TRIM33: variants seen among roughly 807,000 people sequenced by gnomAD.
TRIM33 encodes the protein E3 ubiquitin-protein ligase TRIM33.
In TRIM33, 20 loss-of-function variants were observed where a neutral mutation model predicts 125.4. The ratio of observed to expected loss-of-function variants is 0.16; its 90% confidence interval spans 0.11 to 0.23. The LOEUF is 0.23. Among genes scored for constraint, TRIM33 ranks in the 10% least tolerant of loss-of-function variants. TRIM33 has a pLI of 1.00. For synonymous variants in TRIM33, 564 were observed against 513.9 expected, an observed-to-expected ratio of 1.10 and a Z score of -1.32; for missense variants, 920 against 1,411.4, an observed-to-expected ratio of 0.65 and a Z score of 5.58.
chr1:114,491,306 T>C (rs978363755), intron 1 of TRIM33, among the ~76,000 whole-genome samples: 3 of 152,218 alleles, frequency 2.0e-5, no homozygotes, highest in African/African-American at 4.8e-5. Context: ...TTTATTTGCA[T>C]TGACCTAGGG....
chr1:114,397,587 G>GTTTTTTTTTTTTTTTTTT lies in TRIM33; in HGVS notation c.*60_*61insAAAAAAAAAAAAAAAAAA. The GTTTTTTTTTTTTTTTTTT allele has an allele frequency of 2.1e-6, 2 of 951,936 alleles. No homozygotes were observed. Among genetic ancestry groups the GTTTTTTTTTTTTTTTTTT allele is most frequent in the South Asian group, 1.9e-5 (1 of 51,734 alleles). 59.0% of individuals were successfully genotyped at this position (951,936 alleles called of 1,614,324 possible). A position where few individuals can be genotyped will look rare whatever the true frequency, so the allele number is the denominator to read the frequency against. On this transcript the variant is annotated 3_prime_UTR_variant, in exon 20 of 20. Transcript: ENST00000358465. Reference sequence around the variant, plus strand: ...CACTTAAAAGTTTTCTGGGTTTTTTGTGTTTTTTTTTTTTTTTTCGTTTTT... The same window carrying GTTTTTTTTTTTTTTTTTT: ...CACTTAAAAGTTTTCTGGGTTTTTTGTTTTTTTTTTTTTTTTTTTGTTTTTTTTTTTTTTTTCGTTTTT...
chr1:114,502,216 T>C (rs1652760706), intron 1 of TRIM33, among the ~76,000 whole-genome samples: 2 of 152,228 alleles, frequency 1.3e-5, no homozygotes, highest in Admixed American at 6.5e-5. Context: ...ACTATAAATG[T>C]ATAAATCTGC....
chr1:114,471,072 T>C (rs12741779), intron 1 of TRIM33, among the ~76,000 whole-genome samples: 1 of 152,216 alleles, frequency 6.6e-6, no homozygotes, highest in Admixed American at 6.5e-5. Context: ...GTGTTGGGAC[T>C]ACAGACATGA....
chr1:114,404,098 C>T (rs1393969397), intron 15 of TRIM33, among the ~76,000 whole-genome samples: 1 of 152,168 alleles, frequency 6.6e-6, no homozygotes, highest in Non-Finnish European at 1.5e-5. Flanking sequence ...GAGATATATA[C>T]ATAGATCCTA....
Position 114,398,915 on chromosome 1 carries a change from AC to A in TRIM33, c.3120+541del, listed in dbSNP as rs143931279. ...CTTACCCTCAAAAAAAAAAAAAAAA[AC>A]AAAACAAAACAAAACAAAAAACAAA... On this transcript the variant is annotated intron_variant, in intron 18 of 19. Coordinates refer to ENST00000358465, the MANE Select transcript of TRIM33 (RefSeq NM_015906.4). 6.5e-3 allele frequency among the ~76,000 whole-genome samples: 896 copies of A among 138,684 alleles called. 6 individuals are homozygous for A. Among genetic ancestry groups the A allele is most frequent in the African/African-American group, 0.023 (822 of 35,976 alleles). 91.0% of individuals were successfully genotyped at this position (138,684 alleles called of 152,430 possible).
At chr1:114,510,409 C>T in intron 1 of TRIM33, 142 bp downstream of exon 1, 1 of 716,316 alleles carries the variant, frequency 1.4e-6, no homozygotes, top group Non-Finnish European at 2.1e-6. Flanking sequence ...GAAAGTGTCC[C>T]AGGGGCGAGT....
At chr1:114,490,663 A>C (rs1652007084) in intron 1 of TRIM33, 1 of 152,204 alleles carries the variant, frequency 6.6e-6, no homozygotes, top group Non-Finnish European at 1.5e-5. Flanking sequence ...TGAATGGTTA[A>C]ACAAAATGTG....
At chr1:114,447,146 C>T (rs1392620492) in intron 4 of TRIM33, among the ~76,000 whole-genome samples, 1 of 152,134 alleles carries the variant, frequency 6.6e-6, no homozygotes, top group Admixed American at 6.5e-5. Context: ...ACTTAGGATT[C>T]ACTCTAGCAG....
rs557544405 is a variant in TRIM33 at position 114,445,449 on chromosome 1, C to T, written c.924-11716G>A. On this transcript the variant is annotated intron_variant, in intron 4 of 19. Coordinates refer to ENST00000358465, the MANE Select transcript of TRIM33 (RefSeq NM_015906.4). The stretch of plus-strand genomic sequence containing the variant: ...AGAGATGGGGTCTTACTATGTTGCC[C>T]AGGCTGGTCTTGAACCCCTGGGGTA... Among the ~76,000 whole-genome samples the T allele has an allele frequency of 5.2e-4, 79 of 152,208 alleles. 1 individual carries two copies. Among genetic ancestry groups the T allele is most frequent in the African/African-American group, 1.8e-3 (76 of 41,538 alleles).
At chr1:114,413,984 C>A (rs1324063331) in intron 11 of TRIM33, among the ~76,000 whole-genome samples, 1 of 151,278 alleles carries the variant, frequency 6.6e-6, no homozygotes, top group East Asian at 1.9e-4. Flanking sequence ...AAGAGTGAGA[C>A]CCTGTCTCAA....
intron 1 of TRIM33, among the ~76,000 whole-genome samples, chr1:114,489,450 AAAAACTTT>A (rs778700837): frequency 1.9e-4 from 29 of 152,376 alleles, no homozygotes; most frequent in Non-Finnish European, 3.2e-4. Flanking sequence ...CATCAAACTT[AAAAACTTT>A]TGTGGCCAAG....
intron 11 of TRIM33, among the ~76,000 whole-genome samples, chr1:114,417,372 T>C (rs1405192200): frequency 2.0e-5 from 3 of 152,216 alleles, no homozygotes; most frequent in African/African-American, 4.8e-5. Flanking sequence ...AAAAAGTAGA[T>C]GATACTTGCC....
rs774025814 is a variant in TRIM33 at position 114,425,524 on chromosome 1, T to C, written c.1620A>G (p.Pro540=). 4 of 1,614,050 alleles carry C rather than the reference T, an allele frequency of 2.5e-6. No homozygotes were observed. Among genetic ancestry groups the C allele is most frequent in the African/African-American group, 1.3e-5 (1 of 74,916 alleles). Reference sequence around the variant, plus strand: ...TTGTTGTTGTAGTTGGTACAGGTGCTGGTGGTTGCTGCATCCTCATCTGTT... The same window carrying C: ...TTGTTGTTGTAGTTGGTACAGGTGCCGGTGGTTGCTGCATCCTCATCTGTT... ...QLQQMRMQQP[P]APVPTTTTTT... is the part of the protein sequence containing the mutation. Residue 540 remains proline (P), a synonymous_variant, in exon 9 of 20, where the codon CCA becomes CCG. Transcript: ENST00000358465.
At chr1:114,482,520 GAA>G (rs1308645034) in intron 1 of TRIM33, among the ~76,000 whole-genome samples, 3 of 152,150 alleles carry the variant, frequency 2.0e-5, no homozygotes, top group Non-Finnish European at 4.4e-5. Context: ...GATCTAAAAA[GAA>G]AAGAGAGCAC....
intron 1 of TRIM33, among the ~76,000 whole-genome samples, chr1:114,486,692 A>G (rs1651719674): frequency 1.3e-5 from 2 of 152,194 alleles, no homozygotes; most frequent in South Asian, 4.1e-4. Context: ...AAAACAGAAC[A>G]CAGTCTCAAG....
intron 1 of TRIM33, among the ~76,000 whole-genome samples, chr1:114,474,418 A>G (rs1160620147): frequency 1.3e-5 from 2 of 150,776 alleles, no homozygotes; most frequent in Non-Finnish European, 3.0e-5. Flanking sequence ...TTAAAAAAAA[A>G]AAAAATTAAG....
chr1:114,393,225 AAATT>A lies in TRIM33; in HGVS notation c.*4419_*4422del. 1 of 211,998 alleles carries A rather than the reference AAATT, an allele frequency of 4.7e-6. No homozygotes were observed. Among genetic ancestry groups the A allele is most frequent in the African/African-American group, 2.3e-5 (1 of 44,298 alleles). The allele number at this position is 211,998 out of a possible 1,614,324, so 13.1% of individuals were successfully genotyped here. A position where few individuals can be genotyped will look rare whatever the true frequency, so the allele number is the denominator to read the frequency against. On this transcript the variant is annotated 3_prime_UTR_variant, in exon 20 of 20. Coordinates refer to ENST00000358465, the MANE Select transcript of TRIM33 (RefSeq NM_015906.4). ...TCGTGTGTAGGTATGTCTACATAAA[AAATT>A]AACAGGCTTTCAAATTGCACAAATC...
At chr1:114,446,715 T>A (rs1317923368) in intron 4 of TRIM33, among the ~76,000 whole-genome samples, 1 of 152,130 alleles carries the variant, frequency 6.6e-6, no homozygotes, top group East Asian at 1.9e-4. Context: ...TTTAACCATA[T>A]CACAAGTTAT....
At position 114,430,315 on chromosome 1, in the gene TRIM33, G is replaced by T. The variant is rs928325629; in HGVS notation, c.1155+483C>A. ...GGCTGGAGTGCAGGACACAATCACA[G>T]CTCATTGCAGCCTTGACCTCCCGGG... On this transcript the variant is annotated intron_variant, in intron 6 of 19. Transcript: ENST00000358465. Among the ~76,000 whole-genome samples the T allele has an allele frequency of 2.0e-5, 3 of 152,068 alleles. No individual in the cohort carries two copies. The South Asian group carries it at 6.2e-4, about 32-fold the overall frequency.
Sources: gnomAD v4.1 joint callset for allele counts (sites outside exome capture counted in the v4.1 genomes callset) on GRCh38, gnomAD v4.1.1 for gene constraint, MANE v1.5 for transcripts, NCBI Gene and HGNC (gene_info 2026-07-23, HGNC 2026-07-21) for gene names.